STAG1: variants seen among roughly 807,000 people sequenced by gnomAD.
STAG1 encodes the protein STAG1 cohesin complex component, also known as cohesin subunit SA-1.
A neutral mutation model predicts 170.9 loss-of-function variants in STAG1; 26 were observed. The ratio of observed to expected loss-of-function variants is 0.15; its 90% confidence interval spans 0.11 to 0.21. The LOEUF (loss-of-function observed/expected upper bound fraction) is 0.21, where lower values mean the gene tolerates loss of function less well. Among genes scored for constraint, STAG1 ranks in the 10% least tolerant of loss-of-function variants. The pLI is 1.00. For missense variants in STAG1, 964 were observed against 1,509.5 expected (o/e 0.64, Z 5.99); for synonymous variants, 514 against 497.7 (o/e 1.03, Z -0.44).
chr3:136,676,695 C>T (rs957279109), intron 1 of STAG1, among the ~76,000 whole-genome samples: 2 of 152,042 alleles, frequency 1.3e-5, no homozygotes, highest in Non-Finnish European at 2.9e-5. Context: ...ACTGATTTTC[C>T]GAACTAAGCC....
At chr3:136,467,317 T>C (rs906676330) in intron 12 of STAG1, among the ~76,000 whole-genome samples, 1 of 152,006 alleles carries the variant, frequency 6.6e-6, no homozygotes, top group Non-Finnish European at 1.5e-5. Flanking sequence ...GAGGAAGATC[T>C]ACCAAGCAAA....
rs71134406 is a variant in STAG1 at position 136,732,237 on chromosome 3, T to TAA, written c.-84+19956_-84+19957dup. Among the ~76,000 whole-genome samples the TAA allele has an allele frequency of 6.8e-3, 581 of 85,624 alleles. 3 individuals are homozygous for TAA. The highest frequency in any genetic ancestry group is 0.035 in the South Asian group (78 of 2,248). The allele number at this position is 85,624 out of a possible 152,430, so 56.2% of individuals were successfully genotyped here. A position where few individuals can be genotyped will look rare whatever the true frequency, so the allele number is the denominator to read the frequency against. ...TAAAATCAAATCTTTTATCCACAAC[T>TAA]AAAAAAAAAAAAAAAAAAAAAACAC... On this transcript the variant is annotated intron_variant, in intron 1 of 33. Coordinates refer to ENST00000383202, the MANE Select transcript of STAG1 (RefSeq NM_005862.3).
intron 13 of STAG1, among the ~76,000 whole-genome samples, chr3:136,461,550 A>G (rs1559815774): frequency 6.6e-6 from 1 of 151,968 alleles, no homozygotes; most frequent in Non-Finnish European, 1.5e-5. Context: ...AGAAGTCAAG[A>G]AGTCAATCCC....
chr3:136,512,879 A>G (rs139281603), intron 7 of STAG1, among the ~76,000 whole-genome samples: 233 of 152,338 alleles, frequency 1.5e-3, no homozygotes, highest in African/African-American at 4.9e-3. Context: ...ACTATCAACA[A>G]TAACTACAGA....
At chr3:136,463,768 T>TGTGTGTAC (rs755853025) in intron 13 of STAG1, among the ~76,000 whole-genome samples, 3 of 38,590 alleles carry the variant, frequency 7.8e-5, no homozygotes, top group African/African-American at 5.0e-4. Context: ...TGTGTGTGTG[T>TGTGTGTAC]ATACACACAC....
chr3:136,525,188 AC>A (rs2107915192), intron 6 of STAG1, among the ~76,000 whole-genome samples: 1 of 152,102 alleles, frequency 6.6e-6, no homozygotes, highest in Admixed American at 6.5e-5. Flanking sequence ...TCCTCTTTGT[AC>A]CTCTGGTGGA....
intron 9 of STAG1, among the ~76,000 whole-genome samples, chr3:136,497,171 A>C (rs1241372230): frequency 6.6e-6 from 1 of 152,220 alleles, no homozygotes; most frequent in Non-Finnish European, 1.5e-5. Flanking sequence ...AGAAGAAATA[A>C]TACCAGTTCT....
chr3:136,591,851 A>T (rs1444349988), intron 4 of STAG1, among the ~76,000 whole-genome samples: 2 of 152,230 alleles, frequency 1.3e-5, no homozygotes, highest in African/African-American at 4.8e-5. Context: ...GTATCATCTT[A>T]ACCTTTTCCT....
chr3:136,433,730 T>C, intron 15 of STAG1, 71 bp from the exon 16 acceptor site: 1 of 1,055,930 alleles, frequency 9.5e-7, no homozygotes, highest in Non-Finnish European at 1.4e-6. Context: ...AATGAACACA[T>C]TATTAAAAAA....
chr3:136,553,296 G>C (rs1291883557), intron 5 of STAG1, among the ~76,000 whole-genome samples: 1 of 152,026 alleles, frequency 6.6e-6, no homozygotes, highest in Non-Finnish European at 1.5e-5. Context: ...ACACAGAAGA[G>C]AGTATAACAA....
intron 1 of STAG1, among the ~76,000 whole-genome samples, chr3:136,711,839 C>CA (rs1943389767): frequency 6.6e-6 from 1 of 151,750 alleles, no homozygotes; most frequent in African/African-American, 2.4e-5. Context: ...TACACACACA[C>CA]AAAAATCTAT....
intron 26 of STAG1, among the ~76,000 whole-genome samples, chr3:136,361,525 C>T (rs1393460692): frequency 6.6e-6 from 1 of 152,114 alleles, no homozygotes; most frequent in East Asian, 1.9e-4. Context: ...TCAAAAGGGG[C>T]CTTTTCCTCT....
At position 136,543,583 on chromosome 3, in the gene STAG1, T is replaced by C. The variant is rs144574020; in HGVS notation, c.395-1388A>G. Among the ~76,000 whole-genome samples, 9 of 152,298 alleles carry C rather than the reference T, an allele frequency of 5.9e-5. No homozygotes were observed. In the East Asian group the frequency reaches 1.4e-3, roughly 23 times the overall value. On this transcript the variant is annotated intron_variant, in intron 5 of 33. Coordinates refer to ENST00000383202, the MANE Select transcript of STAG1 (RefSeq NM_005862.3). ...AATAAGTCATCCTAGAGTGGCTCAA[T>C]GTCTTTAGAGTAAGACATAGTAGGG...
intron 14 of STAG1, among the ~76,000 whole-genome samples, chr3:136,448,240 T>C (rs1426918210): frequency 1.3e-5 from 2 of 152,172 alleles, no homozygotes; most frequent in Non-Finnish European, 2.9e-5. Flanking sequence ...AAAAAAATAA[T>C]CAGTTCAGTT....
intron 1 of STAG1, among the ~76,000 whole-genome samples, chr3:136,653,763 G>C (rs1941289316): frequency 6.6e-6 from 1 of 152,254 alleles, no homozygotes; most frequent in Middle Eastern, 3.4e-3. Context: ...TTGTCAAACT[G>C]AATCCAGAGC....
At chr3:136,740,144 G>T (rs536168962) in intron 1 of STAG1, among the ~76,000 whole-genome samples, 2 of 152,054 alleles carry the variant, frequency 1.3e-5, no homozygotes, top group African/African-American at 4.8e-5. Flanking sequence ...TCAGCTACTC[G>T]GGAGGCTGAG....
At chr3:136,473,108 C>G (rs1332207900) in intron 11 of STAG1, among the ~76,000 whole-genome samples, 1 of 152,118 alleles carries the variant, frequency 6.6e-6, no homozygotes, top group Admixed American at 6.6e-5. Flanking sequence ...CTACTGTGAA[C>G]TGCGCATGCA....
At chr3:136,578,512 CCT>C (rs1201874207) in intron 4 of STAG1, among the ~76,000 whole-genome samples, 4 of 152,306 alleles carry the variant, frequency 2.6e-5, no homozygotes, top group Admixed American at 1.3e-4. Flanking sequence ...CCCAGAGCCC[CCT>C]GACTGAAGGG....
At position 136,464,337 on chromosome 3, in the gene STAG1, C is replaced by T. The variant is rs371786516; in HGVS notation, c.1313+544G>A. Among the ~76,000 whole-genome samples the T allele has an allele frequency of 4.6e-4, 70 of 151,904 alleles. 2 individuals are homozygous for T. In the South Asian group the frequency reaches 0.014, roughly 29 times the overall value. Reference sequence around the variant, plus strand: ...ACTTGGGAAGCTGAGGTAGGATAATCGCTTGAACCTGGGAGGCAGAAGTTG... The same window carrying T: ...ACTTGGGAAGCTGAGGTAGGATAATTGCTTGAACCTGGGAGGCAGAAGTTG... On this transcript the variant is annotated intron_variant, in intron 13 of 33. Coordinates refer to ENST00000383202, the MANE Select transcript of STAG1 (RefSeq NM_005862.3).
Sources: allele counts gnomAD v4.1 joint callset (sites outside exome capture counted in the v4.1 genomes callset), GRCh38; gene constraint gnomAD v4.1.1; transcripts MANE v1.5; gene names NCBI Gene and HGNC (gene_info 2026-07-23, HGNC 2026-07-21).